Variants in KCNN2 observed in about 807,000 individuals in gnomAD.
KCNN2 encodes the protein potassium calcium-activated channel subfamily N member 2, also known as small conductance calcium-activated potassium channel protein 2.
A neutral mutation model predicts 55.5 loss-of-function variants in KCNN2; 24 were observed. The ratio of observed to expected loss-of-function variants is 0.43; its 90% CI spans 0.31 to 0.61. KCNN2 has a LOEUF of 0.61. Among genes scored for constraint, KCNN2 ranks in the 20% least tolerant of loss-of-function variants. The pLI is 0.08. For synonymous variants in KCNN2, 431 were observed against 336.1 expected, an observed-to-expected ratio of 1.28 and a Z score of -3.09; for missense variants, 754 against 853.6, an observed-to-expected ratio of 0.88 and a Z score of 1.45.
intron 3 of KCNN2, among the ~76,000 whole-genome samples, chr5:114,418,207 A>G (rs1759365036): frequency 6.6e-6 from 1 of 152,222 alleles, no homozygotes; most frequent in Admixed American, 6.5e-5. Flanking sequence ...TTAGGGTTTT[A>G]CCATTTAGTA....
At chr5:114,178,272 G>A (rs1204512184) in intron 1 of KCNN2, among the ~76,000 whole-genome samples, 1 of 152,136 alleles carries the variant, frequency 6.6e-6, no homozygotes, top group Non-Finnish European at 1.5e-5. Flanking sequence ...TAAATGGAAG[G>A]TGGCCAAATG....
At chr5:114,481,108 C>T (rs1762204285) in intron 5 of KCNN2, among the ~76,000 whole-genome samples, 2 of 152,162 alleles carry the variant, frequency 1.3e-5, no homozygotes, top group Non-Finnish European at 2.9e-5. Context: ...ACCCCAACAT[C>T]TCAGCCCAAA....
chr5:114,392,548 G>T (rs535276255), intron 2 of KCNN2, among the ~76,000 whole-genome samples: 1 of 152,120 alleles, frequency 6.6e-6, no homozygotes, highest in Non-Finnish European at 1.5e-5. Flanking sequence ...AGCTTTGCTC[G>T]TTTCTTCTGA....
rs773620809 is a variant in KCNN2, at chr5:114,362,994, C to T, written c.855C>T (p.His285=). 10 of 1,593,158 alleles carry T rather than the reference C, an allele frequency of 6.3e-6. No individual in the cohort carries two copies. The African/African-American group carries it at 1.1e-4, about 17-fold the overall frequency. Residue 285 remains histidine, a synonymous_variant, in exon 1 of 8, where the codon CAC becomes CAT. Coordinates refer to ENST00000673685, the MANE Select transcript of KCNN2 (RefSeq NM_021614.4). ...AGATCGTGGTGTCTAAGCCCGAGCA[C>T]AACAACTCCAACAACCTGGCGCTCT... ...APEIVVSKPE[H]NNSNNLALYG... is the part of the protein sequence containing the mutation.
chr5:114,189,070 G>C (rs900614714), intron 1 of KCNN2, among the ~76,000 whole-genome samples: 5 of 152,004 alleles, frequency 3.3e-5, no homozygotes, highest in East Asian at 1.9e-4. Context: ...GTGTAGTGTT[G>C]GTGATTAGAA....
chr5:114,379,434 CATATTATATATTTATAGAATATATTAT>C (rs1484018489), intron 2 of KCNN2, among the ~76,000 whole-genome samples: 1 of 136,074 alleles, frequency 7.3e-6, no homozygotes, highest in South Asian at 2.2e-4. Flanking sequence ...TATTATATAA[CATATTATATATTTATAGAATATATTAT>C]ATAACATATT....
At chr5:114,240,542 G>A (rs1446056843) in intron 2 of KCNN2, among the ~76,000 whole-genome samples, 1 of 147,864 alleles carries the variant, frequency 6.8e-6, no homozygotes, top group Non-Finnish European at 1.5e-5. Context: ...AACAATTCTT[G>A]TGTCTTAGCC....
intron 1 of KCNN2, among the ~76,000 whole-genome samples, chr5:114,098,001 A>T (rs1751297775): frequency 6.6e-6 from 1 of 152,140 alleles, no homozygotes; most frequent in Non-Finnish European, 1.5e-5. Flanking sequence ...GCATGGCCGA[A>T]ATTAAGGTGT....
chr5:114,483,258 AGT>A (rs1470051026), intron 5 of KCNN2, among the ~76,000 whole-genome samples: 3 of 143,628 alleles, frequency 2.1e-5, no homozygotes, highest in African/African-American at 7.7e-5. Flanking sequence ...ATGTAGTAGT[AGT>A]GTTTCTTTCT....
chr5:114,354,236 C>G (rs1757260424), intron 2 of KCNN2, among the ~76,000 whole-genome samples: 1 of 151,918 alleles, frequency 6.6e-6, no homozygotes, highest in Non-Finnish European at 1.5e-5. Context: ...CTTTTCAACT[C>G]CAAAATTTCA....
In KCNN2 at chr5:114,432,378, A is replaced by G. The variant is rs534732078; in HGVS notation, c.1637+27522A>G. 3.3e-5 allele frequency among the ~76,000 whole-genome samples: 5 copies of G among 152,346 alleles called. No individual in the cohort carries two copies. In the East Asian group the frequency reaches 9.6e-4, roughly 29 times the overall value. Reference sequence around the variant, plus strand: ...TTTGAAGTTTGCTTTGTCTGAAATTAATATAGCTACTCCAACTTTCTTTTG... The same window carrying G: ...TTTGAAGTTTGCTTTGTCTGAAATTGATATAGCTACTCCAACTTTCTTTTG... On this transcript the variant is annotated intron_variant, in intron 3 of 7. Transcript: ENST00000673685.
At chr5:114,062,098 TTC>T (rs1750344980) in intron 1 of KCNN2, among the ~76,000 whole-genome samples, 1 of 148,226 alleles carries the variant, frequency 6.7e-6, no homozygotes, top group African/African-American at 2.5e-5. Flanking sequence ...GATATATGGG[TTC>T]TTTTTTTTTT....
chr5:114,294,294 A>G (rs200183654), intron 2 of KCNN2, among the ~76,000 whole-genome samples: 15,659 of 151,744 alleles, frequency 0.1, 994 homozygotes, highest in Middle Eastern at 0.21. Flanking sequence ...TAGGGTGTCA[A>G]TTTTGGATCT....
chr5:114,328,701 T>C (rs1756753952), intron 2 of KCNN2, among the ~76,000 whole-genome samples: 1 of 152,168 alleles, frequency 6.6e-6, no homozygotes. Flanking sequence ...CCACCTTTCC[T>C]GTGGGAAGCT....
chr5:114,378,176 TA>T (rs60252627), intron 2 of KCNN2, among the ~76,000 whole-genome samples: 5,481 of 152,168 alleles, frequency 0.036, 303 homozygotes, highest in African/African-American at 0.12. Flanking sequence ...TGTTTATATA[TA>T]AAAAAAACTT....
intron 3 of KCNN2, among the ~76,000 whole-genome samples, chr5:114,426,490 T>G (rs1168730331): frequency 1.4e-4 from 22 of 152,342 alleles, no homozygotes; most frequent in Admixed American, 1.4e-3. Flanking sequence ...AATCTCAGGT[T>G]AATATTGACT....
At chr5:114,122,117 T>C (rs1015326237) in intron 1 of KCNN2, among the ~76,000 whole-genome samples, 1 of 152,180 alleles carries the variant, frequency 6.6e-6, no homozygotes, top group African/African-American at 2.4e-5. Flanking sequence ...AGCCAGTATT[T>C]ATAGGCAGCA....
intron 3 of KCNN2, among the ~76,000 whole-genome samples, chr5:114,405,559 T>G (rs1758905287): frequency 6.6e-6 from 1 of 152,242 alleles, no homozygotes; most frequent in Non-Finnish European, 1.5e-5. Context: ...CAGGAATAGT[T>G]GTCTCATAGT....
chr5:114,417,720 A>T (rs1489592385), intron 3 of KCNN2, among the ~76,000 whole-genome samples: 1 of 152,144 alleles, frequency 6.6e-6, no homozygotes, highest in South Asian at 2.1e-4. Flanking sequence ...AGTTGCCTAA[A>T]ACTTTTGTCT....
Sources: gnomAD v4.1 joint callset for allele counts (sites outside exome capture counted in the v4.1 genomes callset) on GRCh38, gnomAD v4.1.1 for gene constraint, MANE v1.5 for transcripts, NCBI Gene and HGNC (gene_info 2026-07-23, HGNC 2026-07-21) for gene names.